Variants in RAI2 observed in about 807,000 individuals in gnomAD.
RAI2 encodes the protein retinoic acid induced 2.
Under a neutral mutation model 15.3 loss-of-function variants are expected in RAI2, and 5 were observed. The observed-to-expected ratio is 0.33, with a 90% CI of 0.17 to 0.69. RAI2 has a LOEUF of 0.69. RAI2 is among the 30% of genes least tolerant of loss of function. The probability of loss-of-function intolerance (pLI) is 0.69; values close to 1 mark genes in which losing one functional copy is unlikely to be tolerated. For synonymous variants in RAI2, 191 were observed against 184.0 expected, an observed-to-expected ratio of 1.04 and a Z score of -0.31; for missense variants, 424 against 424.7, an observed-to-expected ratio of 1.00 and a Z score of 0.01.
intron 1 of RAI2, among the ~76,000 whole-genome samples, chrX:17,834,308 G>C (rs1374242634): frequency 1.8e-5 from 2 of 111,336 alleles, no homozygotes; most frequent in African/African-American, 6.5e-5. Context: ...CCCACTGGCA[G>C]GGTAGCTCTG....
chrX:17,828,323 T>C (rs974349282), intron 1 of RAI2, among the ~76,000 whole-genome samples: 9 of 108,941 alleles, frequency 8.3e-5, no homozygotes, highest in Non-Finnish European at 1.1e-4. Context: ...CCTGCTTGCC[T>C]CCCTCTCTCT....
At chrX:17,838,167 C>T (rs2067356418) in intron 1 of RAI2, among the ~76,000 whole-genome samples, 1 of 112,120 alleles carries the variant, frequency 8.9e-6, no homozygotes, top group Non-Finnish European at 1.9e-5. Context: ...TAGTGTTTGC[C>T]TTTGGGAGAT....
intron 1 of RAI2, chrX:17,837,672 A>G (rs973534890): frequency 1.8e-5 from 2 of 112,278 alleles, no homozygotes; most frequent in African/African-American, 6.5e-5. Context: ...TCTTCCCCCA[A>G]AGGAGAGAAG....
chrX:17,809,671 C>G (rs776158252), intron 1 of RAI2, among the ~76,000 whole-genome samples: 1 of 110,604 alleles, frequency 9.0e-6, no homozygotes, highest in Non-Finnish European at 1.9e-5. Context: ...AACGTTACAA[C>G]TCAGCAGGAG....
intron 1 of RAI2, among the ~76,000 whole-genome samples, chrX:17,851,502 C>T (rs1267532944): frequency 2.7e-5 from 3 of 111,924 alleles, no homozygotes; most frequent in African/African-American, 6.5e-5. Context: ...TGTGCATAGT[C>T]GAAAGAGTAT....
intron 1 of RAI2, among the ~76,000 whole-genome samples, chrX:17,816,642 C>G (rs2147230308): frequency 8.9e-6 from 1 of 112,020 alleles, no homozygotes; most frequent in African/African-American, 3.2e-5. Flanking sequence ...ATAGGTGCTC[C>G]CTTTTCTTTT....
intron 1 of RAI2, among the ~76,000 whole-genome samples, chrX:17,851,498 T>G (rs1476789687): frequency 8.9e-6 from 1 of 112,369 alleles, no homozygotes. Flanking sequence ...TTGATGTGCA[T>G]AGTCGAAAGA....
intron 1 of RAI2, among the ~76,000 whole-genome samples, chrX:17,855,959 A>T: frequency 8.9e-6 from 1 of 112,024 alleles, no homozygotes; most frequent in Non-Finnish European, 1.9e-5. Context: ...CCACTTTTCA[A>T]GCACTCTATG....
intron 1 of RAI2, among the ~76,000 whole-genome samples, chrX:17,812,006 C>A (rs1246413744): frequency 8.9e-6 from 1 of 111,981 alleles, no homozygotes; most frequent in African/African-American, 3.2e-5. Flanking sequence ...CAGTGCCTGA[C>A]ACACAGAAAG....
chrX:17,827,456 T>C (rs939683677), intron 1 of RAI2, among the ~76,000 whole-genome samples: 2 of 112,508 alleles, frequency 1.8e-5, no homozygotes, highest in African/African-American at 6.5e-5. Context: ...GCTTACTGTG[T>C]ATACACAGTG....
In RAI2 at chrX:17,800,584, T is replaced by C. The variant is rs376334031; in HGVS notation, c.1427A>G (p.Gln476Arg). ...FSFKREDSVL[Q>R]GYDINSQGEE... Reference sequence around the variant, plus strand: ...CCCTTGGCTGTTGATGTCATAGCCCTGAAGCACGGAGTCTTCTCTTTTGAA... The same window carrying C: ...CCCTTGGCTGTTGATGTCATAGCCCCGAAGCACGGAGTCTTCTCTTTTGAA... Residue 476 changes from glutamine to arginine, a missense_variant, in exon 2 of 2, where the codon CAG becomes CGG. By Grantham distance (43) the Gln-to-Arg change is conservative. Coordinates refer to ENST00000451717, the MANE Select transcript of RAI2 (RefSeq NM_021785.6). 8.3e-7 allele frequency: 1 copy of C among 1,209,598 alleles called. No homozygotes were observed. Among genetic ancestry groups the C allele is most frequent in the Non-Finnish European group, 1.1e-6 (1 of 894,941 alleles).
intron 1 of RAI2, among the ~76,000 whole-genome samples, chrX:17,842,024 C>T (rs1477722717): frequency 8.9e-6 from 1 of 111,948 alleles, no homozygotes; most frequent in African/African-American, 3.2e-5. Flanking sequence ...CAGCTGCAGA[C>T]GTTGGATCTC....
intron 1 of RAI2, among the ~76,000 whole-genome samples, chrX:17,803,807 C>A (rs924325482): frequency 8.9e-6 from 1 of 111,818 alleles, no homozygotes; most frequent in African/African-American, 3.3e-5. Flanking sequence ...TGGCCAGTAA[C>A]CCCCTTGGGA....
At chrX:17,846,617 C>T (rs1332250464) in intron 1 of RAI2, among the ~76,000 whole-genome samples, 1 of 111,685 alleles carries the variant, frequency 9.0e-6, no homozygotes, top group Admixed American at 9.5e-5. Context: ...CATTGCATTT[C>T]CTTCAGAACT....
intron 1 of RAI2, among the ~76,000 whole-genome samples, chrX:17,808,539 G>A (rs1289304994): frequency 9.0e-6 from 1 of 111,291 alleles, no homozygotes. Flanking sequence ...CAGAGCACAC[G>A]ACTGCTGGTC....
chrX:17,829,546 G>A (rs1037504407), intron 1 of RAI2, among the ~76,000 whole-genome samples: 5 of 111,842 alleles, frequency 4.5e-5, no homozygotes, highest in Non-Finnish European at 9.4e-5. Flanking sequence ...AAATTGTGTG[G>A]AGCAGTTCAC....
chrX:17,852,561 C>T (rs1444814356), intron 1 of RAI2, among the ~76,000 whole-genome samples: 1 of 111,700 alleles, frequency 9.0e-6, no homozygotes, highest in Non-Finnish European at 1.9e-5. Flanking sequence ...CTCTCCCTGC[C>T]CCCCAAACAC....
At chrX:17,817,072 AT>A (rs959969163) in intron 1 of RAI2, among the ~76,000 whole-genome samples, 1 of 111,640 alleles carries the variant, frequency 9.0e-6, no homozygotes, top group Non-Finnish European at 1.9e-5. Flanking sequence ...AGGAAAAACC[AT>A]TTGGGGCTTT....
chrX:17,845,951 T>C (rs754213454), intron 1 of RAI2, among the ~76,000 whole-genome samples: 1 of 112,089 alleles, frequency 8.9e-6, no homozygotes, highest in Admixed American at 9.4e-5. Context: ...GAAATTCAAC[T>C]GAAATATCTA....
Sources: gnomAD v4.1 joint callset for allele counts (sites outside exome capture counted in the v4.1 genomes callset) on GRCh38, gnomAD v4.1.1 for gene constraint, MANE v1.5 for transcripts, NCBI Gene and HGNC (gene_info 2026-07-23, HGNC 2026-07-21) for gene names.